The following SUZ12 variants were observed in gnomAD, a reference collection of about 807,000 sequenced individuals.
SUZ12 encodes the protein polycomb protein SUZ12.
In SUZ12, 17 loss-of-function variants were observed where a neutral mutation model predicts 87.3. That is an observed-to-expected ratio of 0.19 (90% CI 0.13 to 0.29). The LOEUF is 0.29. SUZ12 is among the 10% of genes least tolerant of loss of function. SUZ12 has a pLI of 1.00. For synonymous variants in SUZ12, 253 were observed against 312.4 expected, an observed-to-expected ratio of 0.81 and a Z score of 2.01; for missense variants, 526 against 912.2, an observed-to-expected ratio of 0.58 and a Z score of 5.45.
chr17:31,991,116 TTA>T (rs1909699659), intron 10 of SUZ12, among the ~76,000 whole-genome samples: 1 of 152,220 alleles, frequency 6.6e-6, no homozygotes, highest in South Asian at 2.1e-4. Flanking sequence ...TCATGTGTCT[TTA>T]TCTGCCTGTT....
At chr17:31,969,476 G>A (rs1429891721) in intron 5 of SUZ12, among the ~76,000 whole-genome samples, 1 of 151,568 alleles carries the variant, frequency 6.6e-6, no homozygotes, top group Non-Finnish European at 1.5e-5. Context: ...TTTTAATGGA[G>A]ACAGGATTTC....
intron 6 of SUZ12, 121 bp downstream of exon 6, chr17:31,973,352 T>C: frequency 1.3e-6 from 1 of 781,874 alleles, no homozygotes; most frequent in Non-Finnish European, 1.9e-6. Context: ...AAGAAATGTG[T>C]TGATGGCCTA....
At chr17:31,993,037 G>A (rs1214336977) in intron 10 of SUZ12, among the ~76,000 whole-genome samples, 3 of 152,156 alleles carry the variant, frequency 2.0e-5, no homozygotes, top group African/African-American at 7.2e-5. Flanking sequence ...AATAAGTCCT[G>A]CCAATAGACC....
At chr17:31,948,011 T>G (rs894333289) in intron 4 of SUZ12, among the ~76,000 whole-genome samples, 3 of 152,134 alleles carry the variant, frequency 2.0e-5, no homozygotes, top group African/African-American at 7.2e-5. Flanking sequence ...ATACTCACAT[T>G]TATAGTATAT....
intron 5 of SUZ12, among the ~76,000 whole-genome samples, chr17:31,971,142 T>C (rs1011413282): frequency 6.6e-6 from 1 of 152,178 alleles, no homozygotes; most frequent in Admixed American, 6.5e-5. Flanking sequence ...ATTTAAACTG[T>C]AGAGAAATTC....
chr17:31,996,568 G>A (rs1909988192), intron 14 of SUZ12, among the ~76,000 whole-genome samples: 1 of 152,194 alleles, frequency 6.6e-6, no homozygotes. Flanking sequence ...TCAGTGAACT[G>A]AGATCGTGCC....
At chr17:31,971,618 C>A (rs766597575) in intron 5 of SUZ12, among the ~76,000 whole-genome samples, 3 of 151,550 alleles carry the variant, frequency 2.0e-5, no homozygotes, top group Admixed American at 6.6e-5. Flanking sequence ...TTAGTAGAGA[C>A]GGGGTTTCTC....
intron 10 of SUZ12, among the ~76,000 whole-genome samples, chr17:31,992,595 AGAGATGGGGT>A (rs1290355522): frequency 6.6e-6 from 1 of 151,862 alleles, no homozygotes; most frequent in African/African-American, 2.4e-5. Context: ...TATTTTTAGT[AGAGATGGGGT>A]TTCACTGTGT....
chr17:31,982,740 AGGC>A (rs1466870715), intron 8 of SUZ12, among the ~76,000 whole-genome samples: 1 of 152,200 alleles, frequency 6.6e-6, no homozygotes, highest in Non-Finnish European at 1.5e-5. Flanking sequence ...TTGAGACCTC[AGGC>A]ATATTATACT....
chr17:31,985,552 G>T (rs1056486783), intron 9 of SUZ12, among the ~76,000 whole-genome samples: 1 of 151,204 alleles, frequency 6.6e-6, no homozygotes, highest in Non-Finnish European at 1.5e-5. Context: ...TTATCTTTAT[G>T]ATCTTTTTCA....
chr17:31,953,807 T>TG (rs1907129772), intron 4 of SUZ12, among the ~76,000 whole-genome samples: 1 of 149,246 alleles, frequency 6.7e-6, no homozygotes, highest in African/African-American at 2.5e-5. Flanking sequence ...TCTAACTCCT[T>TG]GGTTCAAGCA....
intron 5 of SUZ12, among the ~76,000 whole-genome samples, chr17:31,972,507 G>A (rs1282041115): frequency 6.6e-6 from 1 of 151,718 alleles, no homozygotes; most frequent in Non-Finnish European, 1.5e-5. Flanking sequence ...TGAACTCCTT[G>A]GCTCAAGAGA....
At chr17:31,966,314 G>A (rs1156446751) in intron 5 of SUZ12, 118 bp downstream of exon 5, 5 of 909,792 alleles carry the variant, frequency 5.5e-6, no homozygotes, top group Admixed American at 5.7e-5. Context: ...AAAATATGTT[G>A]GTTCTGATGT....
chr17:31,982,028 TG>T (rs1178102986), intron 8 of SUZ12, among the ~76,000 whole-genome samples: 13 of 152,238 alleles, frequency 8.5e-5, no homozygotes, highest in Admixed American at 7.9e-4. Flanking sequence ...GGTTGAAGAA[TG>T]GTGTTTAGAG....
At chr17:31,972,402 TATAAATAG>T (rs1908496955) in intron 5 of SUZ12, among the ~76,000 whole-genome samples, 1 of 148,062 alleles carries the variant, frequency 6.8e-6, no homozygotes, top group African/African-American at 2.5e-5. Context: ...TATATATATA[TATAAATAG>T]AAATGTGTAG....
intron 15 of SUZ12, among the ~76,000 whole-genome samples, chr17:31,997,193 G>C (rs778228408): frequency 1.3e-5 from 2 of 152,120 alleles, no homozygotes; most frequent in Non-Finnish European, 2.9e-5. Context: ...ATTTATCAGG[G>C]TTGTTGATTC....
intron 4 of SUZ12, among the ~76,000 whole-genome samples, chr17:31,954,821 A>G (rs1907209583): frequency 1.3e-5 from 2 of 152,192 alleles, no homozygotes; most frequent in South Asian, 4.1e-4. Flanking sequence ...TAAAGGGAAT[A>G]TTACATATAA....
intron 10 of SUZ12, among the ~76,000 whole-genome samples, chr17:31,990,414 A>C (rs1339680249): frequency 6.6e-6 from 1 of 151,734 alleles, no homozygotes; most frequent in Non-Finnish European, 1.5e-5. Context: ...CCCAGGCTGC[A>C]GTGCGGTGAC....
intron 4 of SUZ12, among the ~76,000 whole-genome samples, chr17:31,961,882 GGGCCAT>G (rs1410802866): frequency 6.6e-6 from 1 of 152,138 alleles, no homozygotes; most frequent in African/African-American, 2.4e-5. Context: ...GCAGTGTAAT[GGGCCAT>G]CATTCCTGAC....
Sources: allele counts gnomAD v4.1 joint callset (sites outside exome capture counted in the v4.1 genomes callset), GRCh38; gene constraint gnomAD v4.1.1; transcripts MANE v1.5; gene names NCBI Gene and HGNC (gene_info 2026-07-23, HGNC 2026-07-21).